The following SCAI variants were observed in gnomAD, a reference collection of about 807,000 sequenced individuals.
SCAI encodes suppressor of cancer cell invasion, also known as protein SCAI.
SCAI carries 24 observed loss-of-function variants against 92.2 expected under a neutral mutation model. The observed-to-expected ratio is 0.26, with a 90% CI of 0.19 to 0.37. The LOEUF (loss-of-function observed/expected upper bound fraction) is 0.37, where lower values mean the gene tolerates loss of function less well. SCAI is among the 10% of genes least tolerant of loss of function. The probability of loss-of-function intolerance (pLI) is 1.00; values close to 1 mark genes in which losing one functional copy is unlikely to be tolerated. For missense variants in SCAI, 450 were observed against 736.2 expected (o/e 0.61, Z 4.50); for synonymous variants, 261 against 258.6 (o/e 1.01, Z -0.09).
chr9:124,959,509 T>TATATACACACAC lies in SCAI; in HGVS notation c.1675-6557_1675-6556insGTGTGTGTATAT, dbSNP rs1831394058. ...ACACACACACATATATATACACATA[T>TATATACACACAC]ATATATATACACACATATATATACA... is the stretch of plus-strand genomic sequence containing the variant. On this transcript the variant is annotated intron_variant, in intron 17 of 17. Transcript: ENST00000336505. Among the ~76,000 whole-genome samples, 5 of 148,360 alleles carry TATATACACACAC rather than the reference T, an allele frequency of 3.4e-5. No individual in the cohort carries two copies. In the Admixed American group the frequency reaches 3.4e-4, roughly 10 times the overall value.
At chr9:124,980,689 T>G (rs766700546) in intron 14 of SCAI, among the ~76,000 whole-genome samples, 11 of 152,202 alleles carry the variant, frequency 7.2e-5, no homozygotes, top group Non-Finnish European at 1.2e-4. Flanking sequence ...GTGTATCCTG[T>G]GTGACTCCGC....
rs1781962367 is a variant in SCAI at position 124,942,733 on chromosome 9, T to A, written c.*10074A>T. On this transcript the variant is annotated 3_prime_UTR_variant, in exon 18 of 18. Transcript: ENST00000336505. ...TAGACACATTCCTAGAGAACATTTA[T>A]CAATGTGAAAATTTCTTTAATACAC... The A allele has an allele frequency of 6.6e-6, 1 of 152,240 alleles. No individual in the cohort carries two copies. Among genetic ancestry groups the A allele is most frequent in the Non-Finnish European group, 1.5e-5 (1 of 68,040 alleles). The allele number at this position is 152,240 out of a possible 1,614,324, so 9.4% of individuals were successfully genotyped here.
intron 9 of SCAI, among the ~76,000 whole-genome samples, chr9:125,004,331 T>A (rs1200844422): frequency 1.1e-5 from 1 of 91,184 alleles, no homozygotes; most frequent in East Asian, 3.1e-4. Context: ...CCCAAATTCT[T>A]TTTTTTTTTT....
intron 2 of SCAI, among the ~76,000 whole-genome samples, chr9:125,136,754 C>T (rs1341006824): frequency 2.0e-5 from 3 of 149,716 alleles, no homozygotes; most frequent in South Asian, 2.1e-4. Context: ...CCAGCATGCC[C>T]GGCAACTAAT....
At chr9:125,095,991 T>C (rs1163716416) in intron 2 of SCAI, among the ~76,000 whole-genome samples, 1 of 152,182 alleles carries the variant, frequency 6.6e-6, no homozygotes, top group Non-Finnish European at 1.5e-5. Flanking sequence ...CCCAACCCTG[T>C]GCTCTCACTC....
intron 2 of SCAI, among the ~76,000 whole-genome samples, chr9:125,118,176 T>G (rs1835089623): frequency 6.6e-6 from 1 of 152,120 alleles, no homozygotes; most frequent in Non-Finnish European, 1.5e-5. Flanking sequence ...TGTAAAATAT[T>G]AATACATTTA....
At chr9:125,102,427 CTCTTTCAT>C (rs2131215015) in intron 2 of SCAI, among the ~76,000 whole-genome samples, 1 of 152,198 alleles carries the variant, frequency 6.6e-6, no homozygotes, top group East Asian at 1.9e-4. Flanking sequence ...CTCAGTCCTC[CTCTTTCAT>C]AAAGATCAGC....
chr9:125,003,026 T>C, intron 11 of SCAI, 88 bp downstream of exon 11: 1 of 791,106 alleles, frequency 1.3e-6, no homozygotes. Context: ...TTACCTAAAC[T>C]CTTAAGTATT....
At chr9:125,009,710 G>A (rs1016632233) in intron 9 of SCAI, among the ~76,000 whole-genome samples, 20 of 151,502 alleles carry the variant, frequency 1.3e-4, no homozygotes, top group Admixed American at 9.2e-4. Flanking sequence ...CCAACATGGC[G>A]AAACCCTGTC....
At chr9:125,032,341 G>A (rs1363159182) in intron 3 of SCAI, among the ~76,000 whole-genome samples, 1 of 150,650 alleles carries the variant, frequency 6.6e-6, no homozygotes, top group Non-Finnish European at 1.5e-5. Context: ...GCAAGCACAC[G>A]ATACCACGCC....
intron 9 of SCAI, among the ~76,000 whole-genome samples, chr9:125,018,390 C>T (rs988265475): frequency 1.3e-5 from 2 of 152,018 alleles, no homozygotes; most frequent in African/African-American, 4.8e-5. Flanking sequence ...GCCACTGTGC[C>T]AGGTCAGAAA....
At chr9:125,100,214 T>C (rs1370939190) in intron 2 of SCAI, among the ~76,000 whole-genome samples, 4 of 152,242 alleles carry the variant, frequency 2.6e-5, no homozygotes, top group Admixed American at 6.5e-5. Flanking sequence ...TAGCTTAGAA[T>C]TGCAACTTGC....
intron 17 of SCAI, chr9:124,968,297 A>G: frequency 8.4e-7 from 1 of 1,187,574 alleles, no homozygotes; most frequent in African/African-American, 1.5e-5. Context: ...CTGGGCATCA[A>G]GCGTCTTCTC....
chr9:125,067,717 T>C (rs1253896531), intron 2 of SCAI, among the ~76,000 whole-genome samples: 1 of 152,202 alleles, frequency 6.6e-6, no homozygotes, highest in Non-Finnish European at 1.5e-5. Context: ...TGACAACTAA[T>C]GAAGTTCAAC....
chr9:125,022,366 C>T (rs1832885395), intron 6 of SCAI, among the ~76,000 whole-genome samples: 1 of 152,110 alleles, frequency 6.6e-6, no homozygotes, highest in South Asian at 2.1e-4. Flanking sequence ...ATTTCTTCCC[C>T]ATAGTAGCTG....
intron 14 of SCAI, among the ~76,000 whole-genome samples, chr9:124,987,965 A>AAAACAAAC (rs147806679): frequency 6.6e-6 from 1 of 151,950 alleles, no homozygotes; most frequent in East Asian, 1.9e-4. Flanking sequence ...TTCTTCTCAA[A>AAAACAAAC]AAACAAACAA....
intron 3 of SCAI, among the ~76,000 whole-genome samples, chr9:125,049,444 T>TTGATCA (rs1424120429): frequency 6.6e-6 from 1 of 152,236 alleles, no homozygotes; most frequent in African/African-American, 2.4e-5. Flanking sequence ...ACTTGGGCTT[T>TTGATCA]TGATCATTTT....
chr9:124,994,848 C>A (rs1213175359), intron 14 of SCAI, 86 bp downstream of exon 14: 7 of 752,036 alleles, frequency 9.3e-6, no homozygotes, highest in Non-Finnish European at 1.3e-5. Flanking sequence ...TAAAATAAAG[C>A]AAAATAAAAA....
intron 17 of SCAI, among the ~76,000 whole-genome samples, chr9:124,969,690 A>G (rs1195281010): frequency 2.0e-5 from 3 of 152,246 alleles, no homozygotes. Flanking sequence ...TCCTGCTGGT[A>G]TAAGTGTAAA....
Sources: gnomAD v4.1 joint callset for allele counts (sites outside exome capture counted in the v4.1 genomes callset) on GRCh38, gnomAD v4.1.1 for gene constraint, MANE v1.5 for transcripts, NCBI Gene and HGNC (gene_info 2026-07-23, HGNC 2026-07-21) for gene names.